Variants in HNF1A observed in about 807,000 individuals in gnomAD.
The protein encoded by HNF1A is hepatocyte nuclear factor 1-alpha.
In HNF1A, 21 loss-of-function variants were observed where a neutral mutation model predicts 62.2. That is an observed-to-expected ratio of 0.34 (90% CI 0.24 to 0.49). The LOEUF (loss-of-function observed/expected upper bound fraction) is 0.49. Ranked by LOEUF, HNF1A falls within the 20% of genes least tolerant of loss-of-function variation. The pLI is 0.99. For synonymous variants in HNF1A, 374 were observed against 366.8 expected (o/e 1.02, Z -0.22); for missense variants, 687 against 832.3 (o/e 0.83, Z 2.15).
chr12:120,983,798 G>C (rs149030470), intron 1 of HNF1A, among the ~76,000 whole-genome samples: 1 of 151,950 alleles, frequency 6.6e-6, no homozygotes, highest in Non-Finnish European at 1.5e-5. Context: ...CACCCGCCTC[G>C]GCCTCCCAAA....
At chr12:120,990,140 T>A (rs75999383) in intron 2 of HNF1A, among the ~76,000 whole-genome samples, 4 of 152,120 alleles carry the variant, frequency 2.6e-5, no homozygotes, top group African/African-American at 7.2e-5. Flanking sequence ...AATTTTTTTT[T>A]ATTATTTTTT....
intron 2 of HNF1A, 74 bp downstream of exon 2, chr12:120,989,106 G>C (rs577867222): frequency 7.1e-7 from 1 of 1,416,858 alleles, no homozygotes; most frequent in African/African-American, 1.4e-5. Flanking sequence ...GTGGGGGCTG[G>C]AAGCTTCACC....
intron 2 of HNF1A, among the ~76,000 whole-genome samples, chr12:120,990,834 C>T (rs1017210670): frequency 6.6e-6 from 1 of 152,148 alleles, no homozygotes; most frequent in African/African-American, 2.4e-5. Flanking sequence ...AATTCCCAGA[C>T]TCTTGTGTAT....
At chr12:120,991,316 G>A (rs1170184104) in intron 2 of HNF1A, among the ~76,000 whole-genome samples, 5 of 152,196 alleles carry the variant, frequency 3.3e-5, no homozygotes, top group Admixed American at 2.0e-4. Flanking sequence ...TATGCAGGCC[G>A]GGCGCAGTGG....
chr12:120,997,835 C>G (rs781204503), intron 7 of HNF1A, 170 bp downstream of exon 7: 3 of 765,808 alleles, frequency 3.9e-6, no homozygotes, highest in South Asian at 2.9e-5. Context: ...TGTGAATGCA[C>G]GTATCTGTGT....
chr12:121,001,102 C>T lies in HNF1A; in HGVS notation c.1806C>T (p.Asp602=). 1 of 1,613,954 alleles carries T rather than the reference C, an allele frequency of 6.2e-7. No homozygotes were observed. Among genetic ancestry groups the T allele is most frequent in the Non-Finnish European group, 8.5e-7 (1 of 1,179,932 alleles). ...GCCTGGTGCTGTACCAGAGCTCAGA[C>T]TCCAGCAATGGCCAGAGCCACCTGC... ...SSSLVLYQSS[D]SSNGQSHLLP... The change falls in exon 10 of 10, where the codon GAC becomes GAT. Residue 602 remains aspartate, a synonymous_variant. Coordinates refer to ENST00000257555, the MANE Select transcript of HNF1A (RefSeq NM_000545.8).
chr12:121,001,215 C>T lies in HNF1A; in HGVS notation c.*23C>T, dbSNP rs1179505307. 6.2e-7 allele frequency: 1 copy of T among 1,612,950 alleles called. No individual in the cohort carries two copies. The highest frequency in any genetic ancestry group is 1.3e-5 in the African/African-American group (1 of 74,906). Reference sequence around the variant, plus strand: ...TAACCACGGCACCTGGGCCCTGGGGCCTGTACTGCCTGCTTGGGGGGTGAT... The same window carrying T: ...TAACCACGGCACCTGGGCCCTGGGGTCTGTACTGCCTGCTTGGGGGGTGAT... On this transcript the variant is annotated 3_prime_UTR_variant, in exon 10 of 10. Coordinates refer to ENST00000257555, the MANE Select transcript of HNF1A (RefSeq NM_000545.8).
intron 6 of HNF1A, 83 bp from the exon 7 acceptor site, chr12:120,997,391 G>T (rs1386906611): frequency 1.2e-5 from 17 of 1,444,930 alleles, no homozygotes; most frequent in Non-Finnish European, 1.6e-5. Context: ...CTCTGGGAAG[G>T]AGAGGTGGTG....
intron 3 of HNF1A, 133 bp from the exon 4 acceptor site, chr12:120,994,031 C>A: frequency 8.2e-7 from 1 of 1,224,984 alleles, no homozygotes; most frequent in Non-Finnish European, 1.2e-6. Context: ...CACAGCAGAC[C>A]TGGCATTGGA....
chr12:120,999,261 C>T lies in HNF1A; in HGVS notation c.1502-7C>T, dbSNP rs193922581. The T allele has an allele frequency of 1.1e-4, 171 of 1,613,798 alleles. 1 individual carries two copies. In the African/African-American group the frequency reaches 1.7e-3, roughly 16 times the overall value. ...GCCACGTCTGCCCCTCTCTCCCCTG[C>T]GGCCAGCCCTCTACAGCCACAAGCC... On this transcript the variant is annotated splice_polypyrimidine_tract_variant and splice_region_variant and intron_variant, in intron 7 of 9. Transcript: ENST00000257555.
chr12:120,979,330 A>C (rs1357814933), intron 1 of HNF1A, among the ~76,000 whole-genome samples: 1 of 152,232 alleles, frequency 6.6e-6, no homozygotes, highest in African/African-American at 2.4e-5. Context: ...CCTTTAGCCC[A>C]GTCCTTGGGC....
rs2464195 is a variant in HNF1A at position 120,997,672 on chromosome 12, G to A, written c.1501+7G>A. On this transcript the variant is annotated splice_region_variant and intron_variant, in intron 7 of 9. Coordinates refer to ENST00000257555, the MANE Select transcript of HNF1A (RefSeq NM_000545.8). ...CAGCTGCAGAGCCCCCACGGTGAGC[G>A]CCCTGTGCCCCACACAGCAGGAGAT... is the stretch of plus-strand genomic sequence containing the variant. 582,111 of 1,601,934 alleles carry A rather than the reference G, an allele frequency of 0.36. 110,205 individuals are homozygous for A. Among genetic ancestry groups the A allele is most frequent in the Middle Eastern group, 0.55 (3,351 of 6,048 alleles).
intron 1 of HNF1A, among the ~76,000 whole-genome samples, chr12:120,981,253 T>C (rs1169286): frequency 0.4 from 60,896 of 152,064 alleles, 13,198 homozygotes; most frequent in Middle Eastern, 0.63. Context: ...TAGAAGCTGT[T>C]TCCCGGGAGA....
chr12:120,982,095 G>A (rs948350430), intron 1 of HNF1A, among the ~76,000 whole-genome samples: 3 of 151,968 alleles, frequency 2.0e-5, no homozygotes, highest in Non-Finnish European at 2.9e-5. Flanking sequence ...TTTTGAGACG[G>A]AGTCTCACTC....
In HNF1A at chr12:120,996,978, G is replaced by A. The variant is rs1183555811; in HGVS notation, c.1309+236G>A. ...GCACTAAGCATAATACATCAATTCTGTGGTACCTCAGAAGGTGAAGGGTCT... is the reference window on the plus strand; with the variant it reads ...GCACTAAGCATAATACATCAATTCTATGGTACCTCAGAAGGTGAAGGGTCT... On this transcript the variant is annotated intron_variant, in intron 6 of 9. Transcript: ENST00000257555. This position sits in a 1 kb window ranked among gnomAD's most constrained non-coding sequence, Gnocchi z 4.5. 6.6e-7 allele frequency: 1 copy of A among 1,508,238 alleles called. No homozygotes were observed. 93.4% of individuals were successfully genotyped at this position (1,508,238 alleles called of 1,614,324 possible). A position where few individuals can be genotyped will look rare whatever the true frequency, so the allele number is the denominator to read the frequency against.
chr12:120,986,995 T>C (rs1369362421), intron 1 of HNF1A, among the ~76,000 whole-genome samples: 1 of 152,102 alleles, frequency 6.6e-6, no homozygotes, highest in Non-Finnish European at 1.5e-5. Flanking sequence ...GCTCAGGCAG[T>C]CTGATCCCTT....
At chr12:120,987,051 T>C (rs915970183) in intron 1 of HNF1A, among the ~76,000 whole-genome samples, 2 of 152,158 alleles carry the variant, frequency 1.3e-5, no homozygotes, top group Non-Finnish European at 2.9e-5. Flanking sequence ...GACTCACAGG[T>C]GGCATCAGGT....
At chr12:120,997,895 G>A in intron 7 of HNF1A, 2 of 689,046 alleles carry the variant, frequency 2.9e-6, no homozygotes, top group Non-Finnish European at 5.4e-6. Context: ...GTCTGGGTGT[G>A]TATCGGTTGT....
In HNF1A at chr12:120,998,794, G is replaced by A. The variant is rs528215983; in HGVS notation, c.1502-474G>A. ...GTCCTCTGCCTTGCTCTTTGACAGG[G>A]GCCACCTGAACTTACTACACAGCAC... On this transcript the variant is annotated intron_variant, in intron 7 of 9. Transcript: ENST00000257555. Among the ~76,000 whole-genome samples the A allele has an allele frequency of 2.0e-5, 3 of 152,224 alleles. No individual in the cohort carries two copies. The East Asian group carries it at 5.8e-4, about 29-fold the overall frequency.
Sources: allele counts gnomAD v4.1 joint callset (sites outside exome capture counted in the v4.1 genomes callset), GRCh38; gene constraint gnomAD v4.1.1; non-coding constraint Gnocchi (gnomAD v3.1); transcripts MANE v1.5; gene names NCBI Gene and HGNC (gene_info 2026-07-23, HGNC 2026-07-21).